The following AUTS2 variants were observed in gnomAD, a reference collection of about 807,000 sequenced individuals.
AUTS2 encodes autism susceptibility gene 2 protein.
A neutral mutation model predicts 112.4 loss-of-function variants in AUTS2; 17 were observed. That is an observed-to-expected ratio of 0.15 (90% CI 0.10 to 0.23). The LOEUF (loss-of-function observed/expected upper bound fraction) is 0.23. Among genes scored for constraint, AUTS2 ranks in the 10% least tolerant of loss-of-function variants. The pLI is 1.00. For synonymous variants in AUTS2, 751 were observed against 702.7 expected (o/e 1.07, Z -1.09); for missense variants, 1,510 against 1,701.6 (o/e 0.89, Z 1.98).
At chr7:70,623,232 C>T (rs1252892797) in intron 5 of AUTS2, among the ~76,000 whole-genome samples, 2 of 152,228 alleles carry the variant, frequency 1.3e-5, no homozygotes, top group Non-Finnish European at 1.5e-5. Flanking sequence ...TAAATAGTTT[C>T]ATTTAGCAGA....
chr7:70,596,283 C>T (rs1438003780), intron 5 of AUTS2: 3 of 152,162 alleles, frequency 2.0e-5, no homozygotes, highest in Non-Finnish European at 4.4e-5. Flanking sequence ...AGCCGGCTGC[C>T]AGGACTCGTT....
intron 6 of AUTS2, among the ~76,000 whole-genome samples, chr7:70,762,543 C>T (rs893988194): frequency 6.6e-6 from 1 of 152,100 alleles, no homozygotes; most frequent in African/African-American, 2.4e-5. Context: ...GTTGAGATTA[C>T]AGGTGTGAGC....
chr7:70,552,602 T>A (rs922364983), intron 5 of AUTS2, among the ~76,000 whole-genome samples: 7 of 152,146 alleles, frequency 4.6e-5, no homozygotes, highest in African/African-American at 1.7e-4. Flanking sequence ...CTTTGAAAAT[T>A]TTCGTAAAAA....
intron 4 of AUTS2, among the ~76,000 whole-genome samples, chr7:70,360,518 ATT>A (rs1463028090): frequency 6.6e-6 from 1 of 152,132 alleles, no homozygotes; most frequent in Non-Finnish European, 1.5e-5. Flanking sequence ...AGGAGAGCAC[ATT>A]TTCAGACACA....
chr7:70,313,955 G>A (rs1363938155), intron 4 of AUTS2, among the ~76,000 whole-genome samples: 1 of 152,178 alleles, frequency 6.6e-6, no homozygotes, highest in Admixed American at 6.5e-5. Context: ...TAGCACTGGA[G>A]ACTGCACCTC....
chr7:70,572,195 C>CG (rs1269864561), intron 5 of AUTS2, among the ~76,000 whole-genome samples: 2 of 152,008 alleles, frequency 1.3e-5, no homozygotes, highest in African/African-American at 4.8e-5. Context: ...ACACATGCCG[C>CG]GGGCTTGGGC....
intron 4 of AUTS2, among the ~76,000 whole-genome samples, chr7:70,423,680 C>T (rs1795314390): frequency 6.6e-6 from 1 of 152,142 alleles, no homozygotes; most frequent in Admixed American, 6.5e-5. Flanking sequence ...AAAATTTCAG[C>T]TCTAAGGTGT....
At chr7:70,513,994 G>T (rs1799311669) in intron 5 of AUTS2, among the ~76,000 whole-genome samples, 1 of 152,102 alleles carries the variant, frequency 6.6e-6, no homozygotes, top group Non-Finnish European at 1.5e-5. Flanking sequence ...TTTATTAAAT[G>T]AGCACTGTAT....
chr7:70,176,464 C>T (rs1429930108), intron 4 of AUTS2, among the ~76,000 whole-genome samples: 1 of 152,180 alleles, frequency 6.6e-6, no homozygotes, highest in Non-Finnish European at 1.5e-5. Context: ...TTCTTTTGTG[C>T]AATGGCAATG....
chr7:69,749,735 G>A (rs930420515), intron 1 of AUTS2, among the ~76,000 whole-genome samples: 1 of 152,108 alleles, frequency 6.6e-6, no homozygotes, highest in African/African-American at 2.4e-5. Context: ...GCTGGCTTGC[G>A]GCTTCTCTGC....
intron 1 of AUTS2, among the ~76,000 whole-genome samples, chr7:69,721,822 G>T (rs1798960405): frequency 6.6e-6 from 1 of 152,162 alleles, no homozygotes; most frequent in South Asian, 2.1e-4. Context: ...AAGTTGGAGA[G>T]ATGTAGAAAT....
At chr7:70,126,150 G>C (rs1805958212) in intron 3 of AUTS2, among the ~76,000 whole-genome samples, 1 of 152,196 alleles carries the variant, frequency 6.6e-6, no homozygotes, top group African/African-American at 2.4e-5. Context: ...CAGGCATGGT[G>C]GCTCACGCCT....
chr7:70,329,327 T>C (rs1448443700), intron 4 of AUTS2, among the ~76,000 whole-genome samples: 1 of 152,178 alleles, frequency 6.6e-6, no homozygotes, highest in Non-Finnish European at 1.5e-5. Flanking sequence ...ATGATACTTC[T>C]ACATTAAACT....
chr7:70,296,304 A>T (rs1418492703), intron 4 of AUTS2, among the ~76,000 whole-genome samples: 2 of 152,222 alleles, frequency 1.3e-5, no homozygotes, highest in African/African-American at 4.8e-5. Flanking sequence ...GAGCACATAG[A>T]TATCATGTTG....
chr7:70,094,594 C>G (rs756693954), intron 2 of AUTS2, among the ~76,000 whole-genome samples: 2 of 152,190 alleles, frequency 1.3e-5, no homozygotes, highest in Non-Finnish European at 2.9e-5. Flanking sequence ...TGCTACAGCT[C>G]TTGCCCTGCC....
intron 5 of AUTS2, among the ~76,000 whole-genome samples, chr7:70,616,927 T>A (rs552632713): frequency 2.6e-5 from 4 of 152,206 alleles, no homozygotes; most frequent in African/African-American, 9.6e-5. Flanking sequence ...GGGCACTTCC[T>A]CCTTAGAGAC....
At chr7:69,608,328 CTCATTTTCCT>C (rs1485589789) in intron 1 of AUTS2, among the ~76,000 whole-genome samples, 1 of 152,210 alleles carries the variant, frequency 6.6e-6, no homozygotes, top group African/African-American at 2.4e-5. Context: ...CCTGAGGGAT[CTCATTTTCCT>C]TGTTGTCCCC....
intron 4 of AUTS2, among the ~76,000 whole-genome samples, chr7:70,136,887 G>A (rs1344215317): frequency 6.6e-6 from 1 of 152,168 alleles, no homozygotes; most frequent in Non-Finnish European, 1.5e-5. Context: ...TAGAGCTTTT[G>A]TCAACAGAGG....
chr7:69,753,745 CA>C (rs1787836087), intron 1 of AUTS2, among the ~76,000 whole-genome samples: 1 of 152,066 alleles, frequency 6.6e-6, no homozygotes, highest in Non-Finnish European at 1.5e-5. Flanking sequence ...AAATAACTTC[CA>C]ACTCAAGGAA....
Sources: allele counts gnomAD v4.1 joint callset (sites outside exome capture counted in the v4.1 genomes callset), GRCh38; gene constraint gnomAD v4.1.1; transcripts MANE v1.5; gene names NCBI Gene and HGNC (gene_info 2026-07-23, HGNC 2026-07-21).